The following HMMR variants were observed in gnomAD, a reference collection of about 807,000 sequenced individuals.
HMMR encodes the protein hyaluronan mediated motility receptor, also known as intracellular hyaluronic acid-binding protein.
Under a neutral mutation model 101.0 loss-of-function variants are expected in HMMR, and 108 were observed. The observed-to-expected ratio is 1.07, with a 90% confidence interval of 0.92 to 1.25. HMMR has a LOEUF of 1.25. Ranked by LOEUF, HMMR falls within the 50% of genes most tolerant of loss-of-function variation. The pLI, the probability that HMMR is intolerant of heterozygous loss-of-function variation, is 0.00. For missense variants in HMMR, 813 were observed against 788.7 expected, an observed-to-expected ratio of 1.03 and a Z score of -0.37; for synonymous variants, 296 against 276.4, an observed-to-expected ratio of 1.07 and a Z score of -0.70.
chr5:163,490,453 G>A lies in HMMR; in HGVS notation c.2026G>A (p.Glu676Lys). 6.3e-7 allele frequency: 1 copy of A among 1,598,688 alleles called. No individual in the cohort carries two copies. The highest frequency in any genetic ancestry group is 1.8e-5 in the Admixed American group (1 of 56,216). ...KKQSETKLQE[E>K]LNKVLGIKHF... ...ACAAAGTGAGACAAAACTTCAAGAG[G>A]AATTGAATAAAGTTCTAGGTATCAA... Residue 676 changes from glutamate (E) to lysine (K), a missense_variant, in exon 17 of 18, where the codon GAA becomes AAA. Glu to Lys is a moderately conservative substitution (Grantham distance 56). Transcript: ENST00000393915.
intron 13 of HMMR, 80 bp from the exon 14 acceptor site, chr5:163,482,940 G>A (rs1185645530): frequency 2.2e-6 from 3 of 1,371,954 alleles, no homozygotes; most frequent in Non-Finnish European, 3.0e-6. Context: ...AGAGTTCCTT[G>A]AGGTTTAAAG....
At chr5:163,462,362 C>CAA (rs199789414) in intron 1 of HMMR, among the ~76,000 whole-genome samples, 1 of 117,148 alleles carries the variant, frequency 8.5e-6, no homozygotes, top group African/African-American at 3.2e-5. Context: ...GACTCTGTTT[C>CAA]AAAAAAAAAA....
intron 13 of HMMR, 94 bp from the exon 14 acceptor site, chr5:163,482,926 T>A (rs1252131800): frequency 7.4e-7 from 1 of 1,360,112 alleles, no homozygotes; most frequent in African/African-American, 1.5e-5. Flanking sequence ...ATGACACTTC[T>A]TGAAGAGTTC....
chr5:163,488,927 C>G (rs1054926974), intron 16 of HMMR, among the ~76,000 whole-genome samples: 1 of 152,022 alleles, frequency 6.6e-6, no homozygotes, highest in Middle Eastern at 3.4e-3. Flanking sequence ...TAAATCTCCT[C>G]CCATTTCTCT....
Position 163,473,362 on chromosome 5 carries a change from A to C in HMMR, c.726-17A>C, listed in dbSNP as rs2113478473. ...CCTAAATAGATGTGCTTTTTAAGATAATTTGTTTTAATGCAGTTGTGCTTC... is the reference window on the plus strand; with the variant it reads ...CCTAAATAGATGTGCTTTTTAAGATCATTTGTTTTAATGCAGTTGTGCTTC... On this transcript the variant is annotated splice_polypyrimidine_tract_variant and intron_variant, in intron 8 of 17. Coordinates refer to ENST00000393915, the MANE Select transcript of HMMR (RefSeq NM_001142556.2). The C allele has an allele frequency of 6.3e-7, 1 of 1,594,470 alleles. No homozygotes were observed. Among genetic ancestry groups the C allele is most frequent in the East Asian group, 2.2e-5 (1 of 44,626 alleles).
rs374802971 is a variant in HMMR at position 163,463,830 on chromosome 5, A to G, written c.47-26A>G. ...AAGATCATAAGTAACATTAGATAAT[A>G]TATTAATGTTTTCTATTTCCTCTAG... On this transcript the variant is annotated intron_variant, in intron 1 of 17. Coordinates refer to ENST00000393915, the MANE Select transcript of HMMR (RefSeq NM_001142556.2). 5.0e-5 allele frequency: 43 copies of G among 868,300 alleles called. No homozygotes were observed. In the African/African-American group the frequency reaches 7.0e-4, roughly 14 times the overall value. The allele number at this position is 868,300 out of a possible 1,614,324, so 53.8% of individuals were successfully genotyped here. A position where few individuals can be genotyped will look rare whatever the true frequency, so the allele number is the denominator to read the frequency against.
chr5:163,462,994 T>A (rs1210483447), intron 1 of HMMR, among the ~76,000 whole-genome samples: 7 of 152,172 alleles, frequency 4.6e-5, no homozygotes, highest in African/African-American at 1.7e-4. Flanking sequence ...ATAGTATTAA[T>A]CTATTTGTTC....
At chr5:163,490,602 T>C (rs1759661822) in intron 17 of HMMR, 50 bp downstream of exon 17, 1 of 1,356,426 alleles carries the variant, frequency 7.4e-7, no homozygotes, top group Non-Finnish European at 1.0e-6. Context: ...TGGATTTGCT[T>C]TTATAGCATT....
chr5:163,468,015 A>G (rs140119749), intron 4 of HMMR, among the ~76,000 whole-genome samples: 3 of 152,362 alleles, frequency 2.0e-5, no homozygotes, highest in African/African-American at 7.2e-5. Context: ...TCAGTTGATT[A>G]CAATTATATA....
Position 163,474,137 on chromosome 5 carries a change from G to T in HMMR, c.985G>T (p.Glu329Ter). The stretch of plus-strand genomic sequence containing the variant: ...AAACTTAAAACAGAAGTTTATTCTT[G>T]AACAACAGGAACGTGAAAAGCTTCA... The part of the protein sequence containing the change: ...MQNLKQKFIL[E>*]QQEREKLQQK... Residue 329 changes from glutamate to a stop codon, truncating the protein, a stop_gained, in exon 10 of 18, where the codon GAA (glutamate) becomes TAA (stop). Transcript: ENST00000393915. LOFTEE classifies it high-confidence loss of function. 1 of 1,611,234 alleles carries T rather than the reference G, an allele frequency of 6.2e-7. No individual in the cohort carries two copies. The highest frequency in any genetic ancestry group is 1.1e-5 in the South Asian group (1 of 90,662).
Position 163,471,182 on chromosome 5 carries a change from T to C in HMMR, c.463-3T>C, listed in dbSNP as rs762855473. ...GAATTTTTTACGTGTTTGTTGTATT[T>C]AGTTTTCTGAAAATGGTAACCAGAA... On this transcript the variant is annotated splice_polypyrimidine_tract_variant and splice_region_variant and intron_variant, in intron 5 of 17. Transcript: ENST00000393915. 13 of 1,563,364 alleles carry C rather than the reference T, an allele frequency of 8.3e-6. No homozygotes were observed. In the South Asian group the frequency reaches 1.3e-4, roughly 16 times the overall value.
At chr5:163,468,118 G>T (rs967581683) in intron 4 of HMMR, among the ~76,000 whole-genome samples, 2 of 152,220 alleles carry the variant, frequency 1.3e-5, no homozygotes, top group Non-Finnish European at 2.9e-5. Context: ...TTCTTAGTGA[G>T]CATGCAATCC....
rs1759702058 is a variant in HMMR at position 163,491,707 on chromosome 5, G to A, written c.*543G>A. 1.3e-5 allele frequency: 2 copies of A among 152,114 alleles called. No individual in the cohort carries two copies. Among genetic ancestry groups the A allele is most frequent in the Non-Finnish European group, 2.9e-5 (2 of 68,020 alleles). The allele number at this position is 152,114 out of a possible 1,614,324, so 9.4% of individuals were successfully genotyped here. A position where few individuals can be genotyped will look rare whatever the true frequency, so the allele number is the denominator to read the frequency against. The stretch of plus-strand genomic sequence containing the variant: ...TAATCAGTTGTTTAATAATTTACAG[G>A]TTCTTAGGCTCCATCCTGTTTGTAT... On this transcript the variant is annotated 3_prime_UTR_variant, in exon 18 of 18. Coordinates refer to ENST00000393915, the MANE Select transcript of HMMR (RefSeq NM_001142556.2).
At chr5:163,484,952 TA>T (rs1386182102) in intron 16 of HMMR, among the ~76,000 whole-genome samples, 8 of 152,328 alleles carry the variant, frequency 5.3e-5, no homozygotes, top group East Asian at 3.9e-4. Flanking sequence ...GAGAGTACTT[TA>T]TTTTTTTTAT....
chr5:163,484,397 G>C (rs1759398415), intron 16 of HMMR, 152 bp downstream of exon 16: 1 of 523,034 alleles, frequency 1.9e-6, no homozygotes, highest in Non-Finnish European at 3.4e-6. Flanking sequence ...TTATTTTAGA[G>C]TGTTGACCAG....
In HMMR at chr5:163,475,610, A is replaced by G. The variant is rs1759043728; in HGVS notation, c.1206A>G (p.Gln402=). 6.2e-7 allele frequency: 1 copy of G among 1,613,384 alleles called. No homozygotes were observed. Among genetic ancestry groups the G allele is most frequent in the Non-Finnish European group, 8.5e-7 (1 of 1,179,512 alleles). Residue 402 remains glutamine (Q), a synonymous_variant, in exon 11 of 18, where the codon CAA becomes CAG. Coordinates refer to ENST00000393915, the MANE Select transcript of HMMR (RefSeq NM_001142556.2). Reference sequence around the variant, plus strand: ...AACAAGCTGAAAGGCTGGTCAAGCAATTGGAAGAGGAAGCAAAATCTAGAG... The same window carrying G: ...AACAAGCTGAAAGGCTGGTCAAGCAGTTGGAAGAGGAAGCAAAATCTAGAG... The part of the protein sequence containing the change: ...KEEQAERLVK[Q]LEEEAKSRAE...
chr5:163,464,084 T>C (rs1226075471), intron 2 of HMMR, 130 bp downstream of exon 2: 9 of 419,570 alleles, frequency 2.1e-5, no homozygotes, highest in African/African-American at 1.9e-4. Flanking sequence ...TTTTATTTGA[T>C]GGATTTATGA....
intron 1 of HMMR, among the ~76,000 whole-genome samples, chr5:163,461,217 A>T (rs528924216): frequency 6.8e-6 from 1 of 147,076 alleles, no homozygotes; most frequent in Non-Finnish European, 1.5e-5. Flanking sequence ...TATTGAAAAC[A>T]TAAACAATGA....
chr5:163,463,201 T>A (rs2113451972), intron 1 of HMMR, among the ~76,000 whole-genome samples: 1 of 152,356 alleles, frequency 6.6e-6, no homozygotes, highest in South Asian at 2.1e-4. Context: ...ACATTGGCTT[T>A]TTGAATTTCC....
Sources: gnomAD v4.1 joint callset for allele counts (sites outside exome capture counted in the v4.1 genomes callset) on GRCh38, gnomAD v4.1.1 for gene constraint, MANE v1.5 for transcripts, NCBI Gene and HGNC (gene_info 2026-07-23, HGNC 2026-07-21) for gene names.